Variants in INTS8 observed in about 807,000 individuals in gnomAD.
INTS8 encodes the protein integrator complex subunit 8.
A neutral mutation model predicts 138.9 loss-of-function variants in INTS8; 47 were observed. The observed-to-expected ratio is 0.34, with a 90% CI of 0.27 to 0.43. INTS8 has a LOEUF of 0.43. INTS8 is among the 20% of genes least tolerant of loss of function. The pLI, the probability that INTS8 is intolerant of heterozygous loss-of-function variation, is 1.00. For missense variants in INTS8, 996 were observed against 1,173.0 expected, an observed-to-expected ratio of 0.85 and a Z score of 2.20; for synonymous variants, 392 against 400.9, an observed-to-expected ratio of 0.98 and a Z score of 0.27.
chr8:94,825,081 C>T lies in INTS8; in HGVS notation c.305+14C>T, dbSNP rs770719611. The T allele has an allele frequency of 1.2e-5, 19 of 1,558,906 alleles. No homozygotes were observed. The highest frequency in any genetic ancestry group is 1.6e-5 in the Non-Finnish European group (18 of 1,136,134). Reference sequence around the variant, plus strand: ...ATTAGAGAAAAGGTATCCAAGATTTCAGTGAAATTTCATTTGAAGTGCTAT... The same window carrying T: ...ATTAGAGAAAAGGTATCCAAGATTTTAGTGAAATTTCATTTGAAGTGCTAT... On this transcript the variant is annotated intron_variant, in intron 2 of 26. Coordinates refer to ENST00000523731, the MANE Select transcript of INTS8 (RefSeq NM_017864.4).
chr8:94,873,317 G>A, intron 21 of INTS8, 57 bp from the exon 22 acceptor site: 1 of 1,147,120 alleles, frequency 8.7e-7, no homozygotes, highest in Admixed American at 1.7e-5. Context: ...CTTTACAAAG[G>A]AATCCCTGTT....
At chr8:94,844,086 T>C (rs1245514651) in intron 10 of INTS8, among the ~76,000 whole-genome samples, 1 of 151,860 alleles carries the variant, frequency 6.6e-6, no homozygotes, top group Non-Finnish European at 1.5e-5. Context: ...CTGGCCAGGC[T>C]TTAGTGCAGT....
At chr8:94,823,629 G>A in intron 1 of INTS8, 68 bp downstream of exon 1, 9 of 1,276,044 alleles carry the variant, frequency 7.1e-6, no homozygotes, top group South Asian at 1.5e-5. Flanking sequence ...GCTTCCCTCC[G>A]CTCCCCGCCT....
rs1816807445 is a variant in INTS8 at position 94,881,462 on chromosome 8, A to G, written c.*1228A>G. On this transcript the variant is annotated 3_prime_UTR_variant, in exon 27 of 27. Coordinates refer to ENST00000523731, the MANE Select transcript of INTS8 (RefSeq NM_017864.4). Reference sequence around the variant, plus strand: ...AACAGCTAACATAGGAAATAATTAAATGTATTCTTTAGTGCCAATTGTAAG... The same window carrying G: ...AACAGCTAACATAGGAAATAATTAAGTGTATTCTTTAGTGCCAATTGTAAG... 1 of 606,020 alleles carries G rather than the reference A, an allele frequency of 1.7e-6. No homozygotes were observed. Among genetic ancestry groups the G allele is most frequent in the Admixed American group, 3.3e-5 (1 of 30,048 alleles). The allele number at this position is 606,020 out of a possible 1,614,324, so 37.5% of individuals were successfully genotyped here. A position where few individuals can be genotyped will look rare whatever the true frequency, so the allele number is the denominator to read the frequency against.
Position 94,873,408 on chromosome 8 carries a change from C to A in INTS8, c.2568C>A (p.Tyr856Ter). 1 of 1,613,912 alleles carries A rather than the reference C, an allele frequency of 6.2e-7. No homozygotes were observed. The highest frequency in any genetic ancestry group is 8.5e-7 in the Non-Finnish European group (1 of 1,179,782). ...TNQYSAALHY[Y>*]LQAGAVCSDF... is the part of the protein sequence containing the mutation. ...AGTATTCAGCAGCTCTTCACTATTA[C>A]CTCCAGGCAGGAGCTGTGTGTTCTG... The change falls in exon 22 of 27, where the codon TAC becomes TAA. Residue 856 changes from tyrosine to a stop codon, truncating the protein, a stop_gained. Transcript: ENST00000523731. LOFTEE classifies it high-confidence loss of function.
intron 16 of INTS8, among the ~76,000 whole-genome samples, chr8:94,863,921 A>G (rs1413034816): frequency 1.4e-4 from 21 of 152,164 alleles, no homozygotes; most frequent in Admixed American, 1.4e-3. Flanking sequence ...CACCTAGTAT[A>G]GGCAGGGTTT....
chr8:94,845,612 G>A lies in INTS8; in HGVS notation c.1260+3124G>A, dbSNP rs555373513. ...TGAGTAGCTGGGACTACAGGCACGC[G>A]CCACCATGCCTGGCTTATTTTTGTA... On this transcript the variant is annotated intron_variant, in intron 10 of 26. Transcript: ENST00000523731. Among the ~76,000 whole-genome samples, 21 of 152,224 alleles carry A rather than the reference G, an allele frequency of 1.4e-4. No individual in the cohort carries two copies. The South Asian group carries it at 1.5e-3, about 11-fold the overall frequency.
At chr8:94,843,976 G>A (rs1815233646) in intron 10 of INTS8, among the ~76,000 whole-genome samples, 1 of 147,028 alleles carries the variant, frequency 6.8e-6, no homozygotes, top group Non-Finnish European at 1.5e-5. Flanking sequence ...GTTTTTTGAG[G>A]TACCTTTTCC....
At chr8:94,872,050 T>C (rs768733691) in intron 21 of INTS8, 48 bp downstream of exon 21, 2 of 876,648 alleles carry the variant, frequency 2.3e-6, no homozygotes, top group East Asian at 4.9e-5. Context: ...ATAGCACTTT[T>C]TGAAGTGAAA....
chr8:94,842,613 C>T, intron 10 of INTS8, 125 bp downstream of exon 10: 2 of 678,074 alleles, frequency 2.9e-6, no homozygotes, highest in Non-Finnish European at 4.9e-6. Flanking sequence ...TGACAATTGG[C>T]ACTTTTGACA....
chr8:94,856,748 G>T (rs1815761152), intron 14 of INTS8, 29 bp from the exon 15 acceptor site: 1 of 1,600,566 alleles, frequency 6.2e-7, no homozygotes, highest in South Asian at 1.1e-5. Flanking sequence ...AAGGAAAGGT[G>T]ACCCAGGCTA....
chr8:94,832,420 G>C (rs1170160513), intron 6 of INTS8, among the ~76,000 whole-genome samples: 2 of 152,160 alleles, frequency 1.3e-5, no homozygotes, highest in African/African-American at 4.8e-5. Flanking sequence ...CAGAGTTTAA[G>C]TACTGAGAAT....
intron 6 of INTS8, among the ~76,000 whole-genome samples, chr8:94,835,327 A>C (rs189929433): frequency 4.7e-4 from 72 of 152,268 alleles, no homozygotes; most frequent in African/African-American, 1.7e-3. Context: ...GTCTTTTTTG[A>C]GTTTTGCATT....
intron 13 of INTS8, among the ~76,000 whole-genome samples, chr8:94,852,338 G>A (rs184808357): frequency 3.0e-4 from 45 of 152,186 alleles, no homozygotes; most frequent in African/African-American, 1.0e-3. Flanking sequence ...GGCTTTAAAT[G>A]TTCCTTTAAA....
rs755365524 is a variant in INTS8 at position 94,880,129 on chromosome 8, C to T, written c.2883C>T (p.Ile961=). The T allele has an allele frequency of 2.3e-5, 37 of 1,604,888 alleles. No homozygotes were observed. Among genetic ancestry groups the T allele is most frequent in the Admixed American group, 8.8e-5 (5 of 57,002 alleles). The change falls in exon 27 of 27, where the codon ATC becomes ATT. Residue 961 remains isoleucine, a synonymous_variant. Coordinates refer to ENST00000523731, the MANE Select transcript of INTS8 (RefSeq NM_017864.4). ...TTCTGTTTTGGAAGATCAAAGCCATCGGCCAGACAGAGTTGAATGCAAGCA... is the reference window on the plus strand; with the variant it reads ...TTCTGTTTTGGAAGATCAAAGCCATTGGCCAGACAGAGTTGAATGCAAGCA... ...TDKRQIAIKA[I]GQTELNASNP...
At chr8:94,868,271 C>T (rs1216384822) in intron 20 of INTS8, among the ~76,000 whole-genome samples, 1 of 152,168 alleles carries the variant, frequency 6.6e-6, no homozygotes, top group African/African-American at 2.4e-5. Context: ...GATGTTTTTC[C>T]TCCCTGCCCT....
intron 6 of INTS8, among the ~76,000 whole-genome samples, chr8:94,835,605 CTT>C (rs543122431): frequency 6.8e-6 from 1 of 145,998 alleles, no homozygotes. Context: ...GAGCCTGCTT[CTT>C]TTTTTTTTTT....
intron 16 of INTS8, 42 bp from the exon 17 acceptor site, chr8:94,865,464 A>C (rs773285659): frequency 6.5e-7 from 1 of 1,539,250 alleles, no homozygotes; most frequent in African/African-American, 1.4e-5. Flanking sequence ...TGTGCACGAC[A>C]TTACAGATTA....
In INTS8 at chr8:94,827,365, T is replaced by C; in HGVS notation, c.408T>C (p.Pro136=). The C allele has an allele frequency of 6.2e-7, 1 of 1,614,156 alleles. No individual in the cohort carries two copies. The highest frequency in any genetic ancestry group is 8.5e-7 in the Non-Finnish European group (1 of 1,179,984). Residue 136 remains proline (P), a synonymous_variant, in exon 3 of 27, where the codon CCT becomes CCC. Coordinates refer to ENST00000523731, the MANE Select transcript of INTS8 (RefSeq NM_017864.4). ...TAGACATGGATCTGGCCACTTTACC[T>C]CCGACCACTGCCATGGCTGTACTTC... The part of the protein sequence containing the change: ...KHVDMDLATL[P]PTTAMAVLLY...
Sources: gnomAD v4.1 joint callset for allele counts (sites outside exome capture counted in the v4.1 genomes callset) on GRCh38, gnomAD v4.1.1 for gene constraint, MANE v1.5 for transcripts, NCBI Gene and HGNC (gene_info 2026-07-23, HGNC 2026-07-21) for gene names.